The following ARHGEF28 variants were observed in gnomAD, a reference collection of about 807,000 sequenced individuals.
ARHGEF28 encodes 190 kDa guanine nucleotide exchange factor.
ARHGEF28 carries 152 observed loss-of-function variants against 206.6 expected under a neutral mutation model. The ratio of observed to expected loss-of-function variants is 0.74; its 90% CI spans 0.64 to 0.84. The LOEUF (loss-of-function observed/expected upper bound fraction) is 0.84, where lower values mean the gene tolerates loss of function less well. Ranked by LOEUF, ARHGEF28 falls within the 40% of genes least tolerant of loss-of-function variation. The pLI, the probability that ARHGEF28 is intolerant of heterozygous loss-of-function variation, is 0.00. For missense variants in ARHGEF28, 2,028 were observed against 2,073.2 expected, an observed-to-expected ratio of 0.98 and a Z score of 0.42; for synonymous variants, 763 against 776.4, an observed-to-expected ratio of 0.98 and a Z score of 0.29.
chr5:73,836,535 C>T (rs187518196), intron 10 of ARHGEF28, among the ~76,000 whole-genome samples: 11 of 152,040 alleles, frequency 7.2e-5, no homozygotes, highest in Admixed American at 5.2e-4. Flanking sequence ...TATTGAGTTG[C>T]GTGAGTTCCT....
chr5:73,700,543 A>G (rs535287771), intron 2 of ARHGEF28, among the ~76,000 whole-genome samples: 1 of 152,310 alleles, frequency 6.6e-6, no homozygotes, highest in African/African-American at 2.4e-5. Flanking sequence ...TAGAGGAGGA[A>G]TAAGTTCAGG....
intron 2 of ARHGEF28, among the ~76,000 whole-genome samples, chr5:73,710,350 T>C (rs145460531): frequency 6.6e-6 from 1 of 152,352 alleles, no homozygotes; most frequent in Non-Finnish European, 1.5e-5. Flanking sequence ...ATTTATAGCT[T>C]TTCTTTGGTG....
At position 73,683,127 on chromosome 5, in the gene ARHGEF28, G is replaced by GT. The variant is rs760573128; in HGVS notation, c.-11-1706dup. 3.6e-4 allele frequency among the ~76,000 whole-genome samples: 55 copies of GT among 151,292 alleles called. 1 individual carries two copies. The East Asian group carries it at 4.1e-3, about 11-fold the overall frequency. On this transcript the variant is annotated intron_variant, in intron 1 of 35. Transcript: ENST00000513042. ...CAGTGAGTGATGCTGGGTTTTTTTT[G>GT]TTTTTTTTCTAAGTAGGAAACAAGT...
chr5:73,911,860 C>T (rs576707342), intron 35 of ARHGEF28, among the ~76,000 whole-genome samples: 44 of 152,112 alleles, frequency 2.9e-4, no homozygotes, highest in Non-Finnish European at 4.9e-4. Flanking sequence ...ATAATAATGT[C>T]CTCTTAAAAG....
At position 73,886,105 on chromosome 5, in the gene ARHGEF28, G is replaced by A. The variant is rs773258046; in HGVS notation, c.3310+1G>A. 8 of 1,609,468 alleles carry A rather than the reference G, an allele frequency of 5.0e-6. No homozygotes were observed. The highest frequency in any genetic ancestry group is 6.8e-6 in the Non-Finnish European group (8 of 1,177,694). ...AAAACTGCTACAGGTCGTTTCAAAGGTACTGTGGCTCTACCAGACCAATTT... is the reference window on the plus strand; with the variant it reads ...AAAACTGCTACAGGTCGTTTCAAAGATACTGTGGCTCTACCAGACCAATTT... On this transcript the variant is annotated splice_donor_variant, in intron 25 of 35. Transcript: ENST00000513042. LOFTEE classifies it high-confidence loss of function.
intron 33 of ARHGEF28, among the ~76,000 whole-genome samples, chr5:73,905,862 C>T (rs969363636): frequency 5.3e-5 from 8 of 152,178 alleles, no homozygotes; most frequent in African/African-American, 1.9e-4. Flanking sequence ...AACCACCATT[C>T]TCTCTTTTTC....
At chr5:73,853,642 C>T (rs1217351434) in intron 14 of ARHGEF28, among the ~76,000 whole-genome samples, 2 of 152,008 alleles carry the variant, frequency 1.3e-5, no homozygotes, top group East Asian at 1.9e-4. Flanking sequence ...AAGTTGACTT[C>T]GTGACAATGG....
chr5:73,868,333 A>G, intron 20 of ARHGEF28, 106 bp downstream of exon 20: 3 of 1,366,956 alleles, frequency 2.2e-6, no homozygotes, highest in Non-Finnish European at 2.9e-6. Context: ...TCTTTTTCAA[A>G]GAAGTCTGTT....
intron 22 of ARHGEF28, among the ~76,000 whole-genome samples, chr5:73,877,632 T>G (rs1490376763): frequency 2.7e-5 from 4 of 149,068 alleles, no homozygotes; most frequent in Non-Finnish European, 4.5e-5. Context: ...TCTTTGTTCT[T>G]GTTGGTTTCA....
At chr5:73,860,052 GAC>G (rs1442851225) in intron 16 of ARHGEF28, among the ~76,000 whole-genome samples, 1 of 152,104 alleles carries the variant, frequency 6.6e-6, no homozygotes, top group Non-Finnish European at 1.5e-5. Context: ...TTTCCAGGTC[GAC>G]ATCTCTCCTT....
In ARHGEF28 at chr5:73,873,093, C is replaced by A. The variant is rs774677649; in HGVS notation, c.2661C>A (p.His887Gln). 6.2e-7 allele frequency: 1 copy of A among 1,613,430 alleles called. No individual in the cohort carries two copies. The highest frequency in any genetic ancestry group is 8.5e-7 in the Non-Finnish European group (1 of 1,179,650). The change falls in exon 22 of 36, where the codon CAC (histidine) becomes CAA (glutamine). Residue 887 changes from histidine (H) to glutamine (Q), a missense_variant. Transcript: ENST00000513042. ...KGMKEELQLD[H>Q]STVDKIFPCL... The stretch of plus-strand genomic sequence containing the variant: ...TGAAAGAGGAGCTGCAGCTGGACCA[C>A]AGCACCGTGGATAAAATTTTCCCCT...
chr5:73,923,847 C>A (rs1414031549), intron 35 of ARHGEF28, among the ~76,000 whole-genome samples: 1 of 152,108 alleles, frequency 6.6e-6, no homozygotes, highest in African/African-American at 2.4e-5. Context: ...ACTGAGTTAA[C>A]ACTAACCCAG....
At chr5:73,881,393 A>G (rs1760930925) in intron 22 of ARHGEF28, among the ~76,000 whole-genome samples, 3 of 152,220 alleles carry the variant, frequency 2.0e-5, no homozygotes, top group Admixed American at 1.3e-4. Context: ...GAAAATTGAC[A>G]TCTTTACTAT....
In ARHGEF28 at chr5:73,880,028, C is replaced by T. The variant is rs543597554; in HGVS notation, c.2815-2444C>T. Among the ~76,000 whole-genome samples, 14 of 152,338 alleles carry T rather than the reference C, an allele frequency of 9.2e-5. No individual in the cohort carries two copies. In the South Asian group the frequency reaches 1.0e-3, roughly 11 times the overall value. On this transcript the variant is annotated intron_variant, in intron 22 of 35. Coordinates refer to ENST00000513042, the MANE Select transcript of ARHGEF28 (RefSeq NM_001177693.2). Reference sequence around the variant, plus strand: ...TTGTTTGTCTGTGCCCTGCCCCCAGCGGTGGAGCCTACAGAGGCAGGCAGG... The same window carrying T: ...TTGTTTGTCTGTGCCCTGCCCCCAGTGGTGGAGCCTACAGAGGCAGGCAGG...
intron 4 of ARHGEF28, among the ~76,000 whole-genome samples, chr5:73,756,716 T>A (rs1180434855): frequency 6.6e-6 from 1 of 152,158 alleles, no homozygotes; most frequent in Non-Finnish European, 1.5e-5. Flanking sequence ...TCTGTCAAAA[T>A]TATTCCACGT....
At chr5:73,673,602 GT>G (rs1299518000) in intron 1 of ARHGEF28, among the ~76,000 whole-genome samples, 6 of 152,092 alleles carry the variant, frequency 3.9e-5, no homozygotes, top group Non-Finnish European at 5.9e-5. Context: ...ATTTTGGTCA[GT>G]TTAATATTTA....
chr5:73,892,194 A>G lies in ARHGEF28; in HGVS notation c.3530A>G (p.Asn1177Ser), dbSNP rs1376499733. The change falls in exon 27 of 36, where the codon AAT becomes AGT. Residue 1177 changes from asparagine (N) to serine (S), a missense_variant. Transcript: ENST00000513042. The part of the protein sequence containing the change: ...EIHTNSKEER[N>S]NWMRRIQQAV... The stretch of plus-strand genomic sequence containing the variant: ...CACACCAATTCCAAGGAGGAACGCA[A>G]TAACTGGATGAGACGGATCCAGCAG... 5 of 1,574,422 alleles carry G rather than the reference A, an allele frequency of 3.2e-6. No individual in the cohort carries two copies. The highest frequency in any genetic ancestry group is 1.3e-5 in the African/African-American group (1 of 74,318).
At chr5:73,838,223 A>G (rs1757779341) in intron 10 of ARHGEF28, among the ~76,000 whole-genome samples, 1 of 151,488 alleles carries the variant, frequency 6.6e-6, no homozygotes, top group East Asian at 2.0e-4. Context: ...CTAAATCTGC[A>G]ACAAAATCAC....
At chr5:73,794,341 G>A in intron 7 of ARHGEF28, 61 bp from the exon 8 acceptor site, 2 of 1,278,074 alleles carry the variant, frequency 1.6e-6, no homozygotes, top group African/African-American at 3.4e-5. Context: ...TCAGCTAGTA[G>A]TTGTTGTTCT....
Sources: allele counts gnomAD v4.1 joint callset (sites outside exome capture counted in the v4.1 genomes callset), GRCh38; gene constraint gnomAD v4.1.1; transcripts MANE v1.5; gene names NCBI Gene and HGNC (gene_info 2026-07-23, HGNC 2026-07-21).